LHFPL6: variants seen among roughly 807,000 people sequenced by gnomAD.
The protein encoded by LHFPL6 is LHFPL tetraspan subfamily member 6, also known as LHFPL tetraspan subfamily member 6 protein.
In LHFPL6, 9 loss-of-function variants were observed where a neutral mutation model predicts 20.6. That is an observed-to-expected ratio of 0.44 (90% confidence interval 0.26 to 0.76). The LOEUF (loss-of-function observed/expected upper bound fraction) is 0.76, where lower values mean the gene tolerates loss of function less well. Ranked by LOEUF, LHFPL6 falls within the 30% of genes least tolerant of loss-of-function variation. LHFPL6 has a pLI of 0.20. For synonymous variants in LHFPL6, 105 were observed against 98.7 expected (o/e 1.06, Z -0.38); for missense variants, 218 against 253.5 (o/e 0.86, Z 0.95).
chr13:39,529,412 A>G (rs1364197300), intron 2 of LHFPL6, among the ~76,000 whole-genome samples: 1 of 152,138 alleles, frequency 6.6e-6, no homozygotes, highest in African/African-American at 2.4e-5. Flanking sequence ...ATTTCTATCT[A>G]AATATATTTA....
intron 2 of LHFPL6, among the ~76,000 whole-genome samples, chr13:39,582,577 A>G (rs147942035): frequency 2.6e-5 from 4 of 152,346 alleles, no homozygotes; most frequent in Admixed American, 2.6e-4. Context: ...AAGAGATCTG[A>G]ACGTACCCTT....
chr13:39,401,729 T>G (rs1440075932), intron 2 of LHFPL6, among the ~76,000 whole-genome samples: 1 of 152,228 alleles, frequency 6.6e-6, no homozygotes, highest in Non-Finnish European at 1.5e-5. Context: ...ATCATTTTTA[T>G]ATCACTGTGA....
At chr13:39,509,983 A>G (rs1292519191) in intron 2 of LHFPL6, among the ~76,000 whole-genome samples, 1 of 152,198 alleles carries the variant, frequency 6.6e-6, no homozygotes, top group African/African-American at 2.4e-5. Flanking sequence ...GAACCAGACG[A>G]TATAAAAGTA....
intron 2 of LHFPL6, among the ~76,000 whole-genome samples, chr13:39,416,630 T>A (rs1189739048): frequency 6.6e-6 from 1 of 152,212 alleles, no homozygotes; most frequent in African/African-American, 2.4e-5. Flanking sequence ...ACTTAATGTG[T>A]GAATGCAGTA....
chr13:39,554,569 A>G (rs529518818), intron 2 of LHFPL6, among the ~76,000 whole-genome samples: 1 of 152,286 alleles, frequency 6.6e-6, no homozygotes, highest in African/African-American at 2.4e-5. Context: ...ATACTTCTAC[A>G]GTCACATCAC....
chr13:39,547,058 C>CCT (rs1189306910), intron 2 of LHFPL6, among the ~76,000 whole-genome samples: 4 of 152,078 alleles, frequency 2.6e-5, no homozygotes, highest in Non-Finnish European at 5.9e-5. Context: ...CAGCATGAAG[C>CCT]CTCTCAGAAT....
At chr13:39,452,568 G>A (rs1446326554) in intron 2 of LHFPL6, among the ~76,000 whole-genome samples, 1 of 152,204 alleles carries the variant, frequency 6.6e-6, no homozygotes, top group East Asian at 1.9e-4. Context: ...TCCCAGTGCT[G>A]TCTCACATGG....
At chr13:39,572,981 A>G (rs1157470536) in intron 2 of LHFPL6, among the ~76,000 whole-genome samples, 1 of 152,224 alleles carries the variant, frequency 6.6e-6, no homozygotes, top group African/African-American at 2.4e-5. Flanking sequence ...TACGCAATCT[A>G]ATATCTGATG....
chr13:39,470,576 GCA>G (rs1872918660), intron 2 of LHFPL6, among the ~76,000 whole-genome samples: 1 of 151,930 alleles, frequency 6.6e-6, no homozygotes, highest in South Asian at 2.1e-4. Context: ...TTTCATCTAT[GCA>G]CACTGCTTCT....
intron 2 of LHFPL6, among the ~76,000 whole-genome samples, chr13:39,517,696 A>G (rs141502163): frequency 1.8e-3 from 281 of 152,192 alleles, no homozygotes; most frequent in Middle Eastern, 3.4e-3. Context: ...GGTTATTATT[A>G]TAATTTTTTA....
intron 2 of LHFPL6, among the ~76,000 whole-genome samples, chr13:39,544,565 T>G (rs1022435124): frequency 8.5e-5 from 13 of 152,212 alleles, no homozygotes; most frequent in African/African-American, 1.9e-4. Flanking sequence ...CAGTAGGTGA[T>G]GACAACGAGA....
At position 39,448,001 on chromosome 13, in the gene LHFPL6, C is replaced by A. The variant is rs74044065; in HGVS notation, c.386-69475G>T. On this transcript the variant is annotated intron_variant, in intron 2 of 3. Transcript: ENST00000379589. ...CTGAATATTTGTGCTACCCTCTTCC[C>A]AAATCCTAATCTCCTTCATTGTAGC... is the stretch of plus-strand genomic sequence containing the variant. Among the ~76,000 whole-genome samples the A allele has an allele frequency of 0.014, 2,120 of 152,248 alleles. 87 individuals are homozygous for A. In the East Asian group the frequency reaches 0.15, roughly 11 times the overall value.
intron 2 of LHFPL6, among the ~76,000 whole-genome samples, chr13:39,465,323 C>T (rs1387485809): frequency 6.6e-6 from 1 of 152,124 alleles, no homozygotes; most frequent in Non-Finnish European, 1.5e-5. Context: ...CTATCATTAA[C>T]AAGACATTCA....
chr13:39,568,554 A>G (rs551377850), intron 2 of LHFPL6, among the ~76,000 whole-genome samples: 1 of 152,370 alleles, frequency 6.6e-6, no homozygotes, highest in South Asian at 2.1e-4. Context: ...TCCAAAAGTC[A>G]TATTTCTCAA....
chr13:39,562,351 C>CATATAT (rs1168888685), intron 2 of LHFPL6, among the ~76,000 whole-genome samples: 1 of 145,798 alleles, frequency 6.9e-6, no homozygotes, highest in Non-Finnish European at 1.5e-5. Context: ...TATATATATA[C>CATATAT]ATATATATAC....
At chr13:39,363,229 G>A (rs904784813) in intron 3 of LHFPL6, among the ~76,000 whole-genome samples, 12 of 152,086 alleles carry the variant, frequency 7.9e-5, no homozygotes, top group African/African-American at 2.7e-4. Context: ...TAGAGGAAAG[G>A]GATTAGACCT....
chr13:39,489,503 CAT>C (rs201071523), intron 2 of LHFPL6, among the ~76,000 whole-genome samples: 404 of 151,448 alleles, frequency 2.7e-3, no homozygotes, highest in African/African-American at 8.9e-3. Flanking sequence ...TTTTCATACA[CAT>C]GTTTGTGTTA....
chr13:39,562,837 T>C (rs978519630), intron 2 of LHFPL6, among the ~76,000 whole-genome samples: 1 of 151,868 alleles, frequency 6.6e-6, no homozygotes. Flanking sequence ...CAGAGCGCCA[T>C]TCAGTTTTCA....
chr13:39,480,499 C>A (rs1051960830), intron 2 of LHFPL6, among the ~76,000 whole-genome samples: 23 of 152,130 alleles, frequency 1.5e-4, no homozygotes, highest in African/African-American at 5.3e-4. Context: ...AAGGCAGAAC[C>A]CCCTGAGATA....
Sources: allele counts gnomAD v4.1 joint callset (sites outside exome capture counted in the v4.1 genomes callset), GRCh38; gene constraint gnomAD v4.1.1; transcripts MANE v1.5; gene names NCBI Gene and HGNC (gene_info 2026-07-23, HGNC 2026-07-21).